PPP2R2B: variants seen among roughly 807,000 people sequenced by gnomAD.
PPP2R2B encodes the protein serine/threonine-protein phosphatase 2A 55 kDa regulatory subunit B beta isoform.
In PPP2R2B, 5 loss-of-function variants were observed where a neutral mutation model predicts 46.0. The observed-to-expected ratio is 0.11, with a 90% CI of 0.06 to 0.23. PPP2R2B has a LOEUF of 0.23. PPP2R2B is among the 10% of genes least tolerant of loss of function. The pLI is 1.00. For synonymous variants in PPP2R2B, 215 were observed against 206.7 expected (o/e 1.04, Z -0.34); for missense variants, 367 against 575.0 (o/e 0.64, Z 3.70).
At chr5:146,665,514 T>C (rs1180549331) in intron 5 of PPP2R2B, among the ~76,000 whole-genome samples, 2 of 152,220 alleles carry the variant, frequency 1.3e-5, no homozygotes, top group African/African-American at 2.4e-5. Context: ...AAGGAAATGT[T>C]GTGGCTGGTT....
chr5:146,593,196 G>T, intron 8 of PPP2R2B, 134 bp from the exon 9 acceptor site: 1 of 789,836 alleles, frequency 1.3e-6, no homozygotes, highest in Non-Finnish European at 2.1e-6. Flanking sequence ...CCTTGGATCT[G>T]AACCTAGGCT....
intron 2 of PPP2R2B, among the ~76,000 whole-genome samples, chr5:146,831,371 C>A (rs1358723309): frequency 3.9e-5 from 6 of 151,980 alleles, no homozygotes; most frequent in South Asian, 4.2e-4. Context: ...GTGGCAGGTG[C>A]CTGTAAGCCC....
chr5:146,721,595 T>C (rs929562568), intron 2 of PPP2R2B, among the ~76,000 whole-genome samples: 2 of 152,270 alleles, frequency 1.3e-5, no homozygotes, highest in African/African-American at 2.4e-5. Context: ...TGAATCTATT[T>C]TGTTCAACAT....
At chr5:146,602,491 C>T (rs1016489762) in intron 7 of PPP2R2B, among the ~76,000 whole-genome samples, 8 of 152,110 alleles carry the variant, frequency 5.3e-5, no homozygotes, top group African/African-American at 1.2e-4. Flanking sequence ...ATGGCTAAAC[C>T]GAATAAGGGT....
chr5:146,910,457 C>T (rs572232157), intron 1 of PPP2R2B, among the ~76,000 whole-genome samples: 168 of 152,306 alleles, frequency 1.1e-3, no homozygotes, highest in Admixed American at 3.3e-3. Context: ...CATGTACAAA[C>T]ATGCAGTGAA....
intron 1 of PPP2R2B, among the ~76,000 whole-genome samples, chr5:147,043,574 T>C (rs1394968624): frequency 6.6e-6 from 1 of 152,136 alleles, no homozygotes; most frequent in Non-Finnish European, 1.5e-5. Context: ...CATTTTGATA[T>C]GGCAGCCTTA....
intron 1 of PPP2R2B, among the ~76,000 whole-genome samples, chr5:147,051,269 C>T (rs1000387737): frequency 3.3e-5 from 5 of 152,134 alleles, no homozygotes; most frequent in Non-Finnish European, 5.9e-5. Context: ...GAATAGGTTG[C>T]GTCTGAGTCA....
chr5:146,766,857 C>T (rs1202564435), intron 2 of PPP2R2B, among the ~76,000 whole-genome samples: 3 of 151,878 alleles, frequency 2.0e-5, no homozygotes, highest in African/African-American at 4.8e-5. Flanking sequence ...AGTTCAAGAC[C>T]AGCCTGGCCA....
At chr5:146,685,443 G>C (rs1349212685) in intron 5 of PPP2R2B, among the ~76,000 whole-genome samples, 1 of 152,360 alleles carries the variant, frequency 6.6e-6, no homozygotes, top group South Asian at 2.1e-4. Flanking sequence ...CTATTAGTAA[G>C]CCTAAACCAA....
intron 1 of PPP2R2B, among the ~76,000 whole-genome samples, chr5:146,998,013 G>A (rs781728840): frequency 6.6e-6 from 1 of 152,116 alleles, no homozygotes; most frequent in Non-Finnish European, 1.5e-5. Context: ...AAACAAAGAG[G>A]GGTCATATCT....
chr5:146,945,874 C>G lies in PPP2R2B; in HGVS notation c.79+109791G>C, dbSNP rs182342701. Among the ~76,000 whole-genome samples the G allele has an allele frequency of 2.6e-5, 4 of 152,256 alleles. No individual in the cohort carries two copies. In the East Asian group the frequency reaches 7.7e-4, roughly 29 times the overall value. ...GAGCTGAGACACGTGTCAGATCTTT[C>G]TAATAGCCAGGTGTTACTATGGACC... is the stretch of plus-strand genomic sequence containing the variant. On this transcript the variant is annotated intron_variant, in intron 1 of 8. Transcript: ENST00000336640.
At chr5:146,717,816 T>C (rs1305697318) in intron 2 of PPP2R2B, among the ~76,000 whole-genome samples, 1 of 152,144 alleles carries the variant, frequency 6.6e-6, no homozygotes, top group Admixed American at 6.5e-5. Context: ...CCCCCTTAAT[T>C]TGGGGAAACA....
chr5:146,900,106 T>C (rs1762776756), intron 1 of PPP2R2B, among the ~76,000 whole-genome samples: 1 of 152,190 alleles, frequency 6.6e-6, no homozygotes, highest in Non-Finnish European at 1.5e-5. Context: ...GAACCGGAAA[T>C]TTATTGAGCC....
chr5:146,732,368 G>A (rs1032159809), intron 2 of PPP2R2B, among the ~76,000 whole-genome samples: 4 of 152,286 alleles, frequency 2.6e-5, no homozygotes, highest in Non-Finnish European at 5.9e-5. Flanking sequence ...CAGGCTTCCA[G>A]CTACCAATAC....
intron 7 of PPP2R2B, among the ~76,000 whole-genome samples, chr5:146,604,060 T>C (rs1772039959): frequency 1.3e-5 from 2 of 152,178 alleles, no homozygotes; most frequent in Non-Finnish European, 2.9e-5. Flanking sequence ...CTGTACCAAA[T>C]GCTAAAGACA....
intron 2 of PPP2R2B, among the ~76,000 whole-genome samples, chr5:146,852,308 C>T (rs1760396010): frequency 6.6e-6 from 1 of 152,128 alleles, no homozygotes; most frequent in African/African-American, 2.4e-5. Context: ...ACAAAGCCCT[C>T]TGTTTACACT....
chr5:146,757,382 C>T (rs113721402), intron 2 of PPP2R2B, among the ~76,000 whole-genome samples: 195 of 152,134 alleles, frequency 1.3e-3, no homozygotes, highest in African/African-American at 4.5e-3. Context: ...TACTGGCTGC[C>T]ATGTAGGGTG....
At chr5:146,591,064 C>T (rs1026124098) in intron 9 of PPP2R2B, among the ~76,000 whole-genome samples, 1 of 152,034 alleles carries the variant, frequency 6.6e-6, no homozygotes, top group Non-Finnish European at 1.5e-5. Context: ...ATTTCAGACA[C>T]GGTGACAAGC....
upstream of PPP2R2B, among the ~76,000 whole-genome samples, chr5:146,882,990 C>A (rs922428359): frequency 2.0e-5 from 3 of 152,200 alleles, no homozygotes; most frequent in African/African-American, 7.2e-5. Flanking sequence ...ACCCACTCTT[C>A]CTTCCTTAGG....
Sources: allele counts gnomAD v4.1 joint callset (sites outside exome capture counted in the v4.1 genomes callset), GRCh38; gene constraint gnomAD v4.1.1; transcripts MANE v1.5; gene names NCBI Gene and HGNC (gene_info 2026-07-23, HGNC 2026-07-21).